Variants in VIT observed in about 807,000 individuals in gnomAD.
The protein encoded by VIT is vitrin.
A neutral mutation model predicts 78.0 loss-of-function variants in VIT; 99 were observed. That is an observed-to-expected ratio of 1.27 (90% CI 1.08 to 1.50). VIT has a LOEUF of 1.50. VIT is among the 40% of genes most tolerant of loss of function. VIT has a pLI of 0.00. For missense variants in VIT, 1,126 were observed against 875.3 expected (o/e 1.29, Z -3.61); for synonymous variants, 374 against 334.3 (o/e 1.12, Z -1.29).
At chr2:36,739,147 A>AT (rs150035279) in intron 3 of VIT, among the ~76,000 whole-genome samples, 39 of 145,200 alleles carry the variant, frequency 2.7e-4, no homozygotes, top group African/African-American at 4.4e-4. Context: ...TACATAAGTG[A>AT]TTTTTTTTAT....
chr2:36,774,070 CTG>C (rs1292449911), intron 8 of VIT, among the ~76,000 whole-genome samples: 1 of 152,128 alleles, frequency 6.6e-6, no homozygotes, highest in Non-Finnish European at 1.5e-5. Context: ...TGAAGCGAGT[CTG>C]TAGAGGTTGT....
Position 36,773,823 on chromosome 2 carries a change from C to CA in VIT, c.716dup (p.Asn239LysfsTer6). 6.2e-7 allele frequency: 1 copy of CA among 1,605,064 alleles called. No individual in the cohort carries two copies. The highest frequency in any genetic ancestry group is 8.5e-7 in the Non-Finnish European group (1 of 1,174,616). Reference sequence around the variant, plus strand: ...GTCCACTGCCACCTACACAAGCAGCCAAAACAGGCCCAGAGCTGATCCAGG... The same window carrying CA: ...GTCCACTGCCACCTACACAAGCAGCCAAAAACAGGCCCAGAGCTGATCCAGG... On this transcript the variant is annotated frameshift_variant, in exon 8 of 16. Coordinates refer to ENST00000379242, the MANE Select transcript of VIT (RefSeq NM_053276.4). LOFTEE classifies it high-confidence loss of function.
At chr2:36,779,553 C>T (rs529869251) in intron 9 of VIT, among the ~76,000 whole-genome samples, 2 of 152,282 alleles carry the variant, frequency 1.3e-5, no homozygotes, top group South Asian at 2.1e-4. Context: ...GTTTTCTATA[C>T]AGATCATCCG....
intron 12 of VIT, among the ~76,000 whole-genome samples, chr2:36,798,608 A>AGC (rs1367490267): frequency 6.6e-6 from 1 of 151,260 alleles, no homozygotes; most frequent in Non-Finnish European, 1.5e-5. Flanking sequence ...TACAAAAACA[A>AGC]ATAAGCCAGG....
chr2:36,770,564 A>T (rs1378621608), intron 7 of VIT, among the ~76,000 whole-genome samples: 1 of 152,214 alleles, frequency 6.6e-6, no homozygotes, highest in Non-Finnish European at 1.5e-5. Flanking sequence ...AGGGAGCCGA[A>T]AGCCAGAGCA....
intron 13 of VIT, among the ~76,000 whole-genome samples, chr2:36,803,899 T>A (rs1170302000): frequency 6.6e-6 from 1 of 152,174 alleles, no homozygotes; most frequent in Non-Finnish European, 1.5e-5. Context: ...ATACTGTGTA[T>A]AATTTCAAGT....
At chr2:36,707,013 G>A (rs77345607) in intron 1 of VIT, among the ~76,000 whole-genome samples, 2 of 151,950 alleles carry the variant, frequency 1.3e-5, no homozygotes, top group East Asian at 1.9e-4. Context: ...TCCTCAAGGG[G>A]CTCTTCGGTG....
intron 9 of VIT, among the ~76,000 whole-genome samples, chr2:36,779,712 GC>G (rs1174271009): frequency 3.9e-5 from 6 of 152,212 alleles, no homozygotes; most frequent in African/African-American, 1.4e-4. Flanking sequence ...GTGAGGACAT[GC>G]AGTATTAGAA....
At chr2:36,777,707 A>G (rs1670157591) in intron 9 of VIT, among the ~76,000 whole-genome samples, 1 of 152,164 alleles carries the variant, frequency 6.6e-6, no homozygotes, top group Non-Finnish European at 1.5e-5. Context: ...TGAAGCCCAC[A>G]CTGGAAAATC....
intron 1 of VIT, among the ~76,000 whole-genome samples, chr2:36,706,258 C>T (rs758273396): frequency 6.6e-6 from 1 of 152,142 alleles, no homozygotes; most frequent in Non-Finnish European, 1.5e-5. Flanking sequence ...GCACATGTGT[C>T]CTTTTCATTT....
intron 12 of VIT, among the ~76,000 whole-genome samples, chr2:36,795,163 C>T (rs968960256): frequency 1.2e-4 from 18 of 152,078 alleles, no homozygotes; most frequent in African/African-American, 4.1e-4. Context: ...CTCATGATCT[C>T]TGGATTCTGT....
chr2:36,785,090 G>A (rs1280790538), intron 11 of VIT, among the ~76,000 whole-genome samples: 1 of 152,188 alleles, frequency 6.6e-6, no homozygotes, highest in Non-Finnish European at 1.5e-5. Context: ...CAATATCCAT[G>A]TACTTTATTC....
At chr2:36,731,649 T>A (rs940942529) in intron 3 of VIT, among the ~76,000 whole-genome samples, 1 of 152,136 alleles carries the variant, frequency 6.6e-6, no homozygotes, top group Non-Finnish European at 1.5e-5. Flanking sequence ...GAAGAATTGA[T>A]ATTGGGAAAT....
At position 36,765,431 on chromosome 2, in the gene VIT, GAGAA is replaced by G. The variant is rs1166801278; in HGVS notation, c.488-1659_488-1656del. 6.9e-4 allele frequency among the ~76,000 whole-genome samples: 71 copies of G among 103,034 alleles called. 1 individual carries two copies. The highest frequency in any genetic ancestry group is 2.2e-3 in the East Asian group (10 of 4,490). The allele number at this position is 103,034 out of a possible 152,430, so 67.6% of individuals were successfully genotyped here. On this transcript the variant is annotated intron_variant, in intron 6 of 15. Transcript: ENST00000379242. The stretch of plus-strand genomic sequence containing the variant: ...GCAGCAGGCGAGAGAGAGAGAGAGA[GAGAA>G]AGAGAGAGAGAGGAAAAACTGCCTT...
intron 9 of VIT, 81 bp from the exon 10 acceptor site, chr2:36,781,646 A>G (rs1444005994): frequency 1.3e-6 from 2 of 1,519,050 alleles, no homozygotes; most frequent in Non-Finnish European, 1.8e-6. Context: ...GGGAAACCTT[A>G]TCATCCCGGC....
At chr2:36,813,540 T>G (rs1667344032) in intron 15 of VIT, among the ~76,000 whole-genome samples, 2 of 152,116 alleles carry the variant, frequency 1.3e-5, no homozygotes, top group Non-Finnish European at 2.9e-5. Flanking sequence ...ACCCCTTTCT[T>G]TATCTTGGAA....
intron 1 of VIT, among the ~76,000 whole-genome samples, chr2:36,710,547 G>A (rs1054634169): frequency 7.9e-5 from 12 of 151,960 alleles, no homozygotes; most frequent in Non-Finnish European, 1.3e-4. Flanking sequence ...ATGTCTCCAG[G>A]ACTCTCCACT....
intron 13 of VIT, among the ~76,000 whole-genome samples, chr2:36,804,701 G>A (rs145755493): frequency 0.016 from 2,380 of 152,192 alleles, 58 homozygotes; most frequent in African/African-American, 0.054. Flanking sequence ...GTGGTGGTGC[G>A]TGCCTGTAGT....
At chr2:36,707,222 C>T (rs1012564164) in intron 1 of VIT, among the ~76,000 whole-genome samples, 1 of 152,142 alleles carries the variant, frequency 6.6e-6, no homozygotes, top group Non-Finnish European at 1.5e-5. Context: ...CAGGGGCAGG[C>T]CCAGCCCCCA....
Sources: gnomAD v4.1 joint callset for allele counts (sites outside exome capture counted in the v4.1 genomes callset) on GRCh38, gnomAD v4.1.1 for gene constraint, MANE v1.5 for transcripts, NCBI Gene and HGNC (gene_info 2026-07-23, HGNC 2026-07-21) for gene names.